PLCE1: variants seen among roughly 807,000 people sequenced by gnomAD.
PLCE1 encodes the protein phospholipase C epsilon 1.
PLCE1 carries 119 observed loss-of-function variants against 242.8 expected under a neutral mutation model. The ratio of observed to expected loss-of-function variants is 0.49; its 90% confidence interval spans 0.42 to 0.57. PLCE1 has a LOEUF of 0.57. Ranked by LOEUF, PLCE1 falls within the 20% of genes least tolerant of loss-of-function variation. PLCE1 has a pLI of 0.00. For synonymous variants in PLCE1, 945 were observed against 1,017.4 expected (o/e 0.93, Z 1.35); for missense variants, 2,441 against 2,788.8 (o/e 0.88, Z 2.81).
Position 94,171,281 on chromosome 10 carries a change from C to T in PLCE1, c.1594C>T (p.Pro532Ser), listed in dbSNP as rs556484452. The part of the protein sequence containing the change: ...LIDLQPLIQF[P>S]EEVASILMEQ... ...CGATCTGCAGCCTCTCATCCAGTTCCCAGAGGAAGTCGCCAGCATCCTGAT... is the reference window on the plus strand; with the variant it reads ...CGATCTGCAGCCTCTCATCCAGTTCTCAGAGGAAGTCGCCAGCATCCTGAT... Residue 532 changes from proline (P) to serine (S), a missense_variant, in exon 4 of 33, where the codon CCA becomes TCA. Physicochemically the swap from Pro to Ser is moderately conservative, Grantham distance 74 (BLOSUM62 -1). This residue lies in a region of PLCE1 where 733 missense variants were observed against 754.2 expected (regional missense o/e 0.97). Transcript: ENST00000371380. 3.1e-6 allele frequency: 5 copies of T among 1,614,148 alleles called. No individual in the cohort carries two copies. The East Asian group carries it at 8.9e-5, about 29-fold the overall frequency.
At chr10:94,314,002 A>G (rs550906411) in intron 28 of PLCE1, among the ~76,000 whole-genome samples, 10 of 152,058 alleles carry the variant, frequency 6.6e-5, no homozygotes, top group African/African-American at 2.4e-4. Context: ...GAGACCTGTT[A>G]CCCCAAGCCC....
chr10:94,171,192 G>A lies in PLCE1; in HGVS notation c.1505G>A (p.Gly502Asp), dbSNP rs927084372. 2 of 1,614,112 alleles carry A rather than the reference G, an allele frequency of 1.2e-6. No homozygotes were observed. Among genetic ancestry groups the A allele is most frequent in the Non-Finnish European group, 8.5e-7 (1 of 1,179,986 alleles). Residue 502 changes from glycine to aspartate, a missense_variant, in exon 4 of 33, where the codon GGC becomes GAC. This residue lies in a region of PLCE1 where 733 missense variants were observed against 754.2 expected (regional missense o/e 0.97). Coordinates refer to ENST00000371380, the MANE Select transcript of PLCE1 (RefSeq NM_016341.4). ...TGCTTTGTTTTAGAACGCCAGCCAG[G>A]CCCCTCTGTGGCCAATTCCAATGCC... ...GRMMLKERQP[G>D]PSVANSNALP...
At chr10:94,311,553 T>C (rs1280377926) in intron 27 of PLCE1, among the ~76,000 whole-genome samples, 1 of 152,256 alleles carries the variant, frequency 6.6e-6, no homozygotes, top group African/African-American at 2.4e-5. Context: ...TCTCCATTGC[T>C]GAAGCCAATA....
rs569972656 is a variant in PLCE1, at chr10:94,127,227, A to G, written c.1207-4947A>G. Among the ~76,000 whole-genome samples the G allele has an allele frequency of 2.6e-4, 39 of 152,340 alleles. No homozygotes were observed. In the South Asian group the frequency reaches 7.9e-3, roughly 31 times the overall value. ...TACCGACTTTTCACAACAATCATTT[A>G]TTTAGCCCATGATTCTGTGAATTAG... On this transcript the variant is annotated intron_variant, in intron 2 of 32. Coordinates refer to ENST00000371380, the MANE Select transcript of PLCE1 (RefSeq NM_016341.4).
Position 94,270,361 on chromosome 10 carries a change from A to G in PLCE1, c.4390-125A>G, listed in dbSNP as rs2051681628. On this transcript the variant is annotated intron_variant, in intron 17 of 32. Coordinates refer to ENST00000371380, the MANE Select transcript of PLCE1 (RefSeq NM_016341.4). The stretch of plus-strand genomic sequence containing the variant: ...CCTCATGCTTCATTTGAAAATACGA[A>G]AACCATCTTTGGCCAGAGTCTGCTG... 8 of 771,858 alleles carry G rather than the reference A, an allele frequency of 1.0e-5. No homozygotes were observed. In the Admixed American group the frequency reaches 1.4e-4, roughly 13 times the overall value. 47.8% of individuals were successfully genotyped at this position (771,858 alleles called of 1,614,324 possible).
rs114275595 is a variant in PLCE1 at position 94,312,695 on chromosome 10, C to T, written c.6004-559C>T. 7.1e-3 allele frequency among the ~76,000 whole-genome samples: 1,088 copies of T among 152,270 alleles called. 10 individuals are homozygous for T. The highest frequency in any genetic ancestry group is 0.025 in the African/African-American group (1,020 of 41,534). ...TGGCAGGGATAGTGTCCCATTTGCC[C>T]CTGATTTTCTAGGGACAGGCATAAT... On this transcript the variant is annotated intron_variant, in intron 27 of 32. Transcript: ENST00000371380.
intron 16 of PLCE1, among the ~76,000 whole-genome samples, chr10:94,267,741 A>G (rs1018857679): frequency 2.0e-5 from 3 of 152,144 alleles, no homozygotes; most frequent in Non-Finnish European, 4.4e-5. Context: ...TCCAGCCACC[A>G]TTTTACATAG....
chr10:94,113,812 A>T (rs2046031404), intron 2 of PLCE1, among the ~76,000 whole-genome samples: 1 of 152,108 alleles, frequency 6.6e-6, no homozygotes, highest in Admixed American at 6.5e-5. Context: ...CAATGTGTTC[A>T]ACTAGGGTAA....
At chr10:94,203,659 C>T (rs147053237) in intron 4 of PLCE1, among the ~76,000 whole-genome samples, 258 of 152,268 alleles carry the variant, frequency 1.7e-3, no homozygotes, top group Middle Eastern at 0.014. Context: ...AGATAGGTTG[C>T]TGGAGTTGAG....
At chr10:94,151,482 G>T (rs539242821) in intron 3 of PLCE1, among the ~76,000 whole-genome samples, 7 of 152,216 alleles carry the variant, frequency 4.6e-5, no homozygotes, top group African/African-American at 1.7e-4. Context: ...TAAAAAGAAC[G>T]TGAAAAGTTA....
intron 2 of PLCE1, among the ~76,000 whole-genome samples, chr10:94,044,625 T>G (rs1388823708): frequency 6.6e-6 from 1 of 152,224 alleles, no homozygotes; most frequent in Non-Finnish European, 1.5e-5. Flanking sequence ...GAATGCAGCT[T>G]TGGTTTGGAC....
chr10:94,173,432 T>C (rs1352385213), intron 4 of PLCE1, among the ~76,000 whole-genome samples: 1 of 152,238 alleles, frequency 6.6e-6, no homozygotes, highest in Non-Finnish European at 1.5e-5. Context: ...AAAATGAAAG[T>C]TCCAGTAAAC....
At chr10:94,238,457 G>A (rs2050394928) in intron 7 of PLCE1, among the ~76,000 whole-genome samples, 1 of 152,128 alleles carries the variant, frequency 6.6e-6, no homozygotes, top group African/African-American at 2.4e-5. Context: ...CAGTCACAGG[G>A]GAGGATCCTT....
chr10:94,277,058 C>T (rs764521034), intron 19 of PLCE1, among the ~76,000 whole-genome samples: 1 of 152,046 alleles, frequency 6.6e-6, no homozygotes, highest in South Asian at 2.1e-4. Flanking sequence ...CATAGAAGGC[C>T]GGAGTCATTT....
At chr10:94,180,296 G>A (rs568639476) in intron 4 of PLCE1, among the ~76,000 whole-genome samples, 2 of 152,216 alleles carry the variant, frequency 1.3e-5, no homozygotes, top group South Asian at 2.1e-4. Context: ...TAACCTATGT[G>A]CTGACTTCCT....
At chr10:94,296,326 A>C (rs994433862) in intron 23 of PLCE1, among the ~76,000 whole-genome samples, 4 of 150,204 alleles carry the variant, frequency 2.7e-5, no homozygotes, top group African/African-American at 7.4e-5. Context: ...AGATCGCACC[A>C]CTGCACTCCA....
intron 2 of PLCE1, chr10:94,089,229 G>A: frequency 6.2e-7 from 1 of 1,614,040 alleles, no homozygotes; most frequent in Non-Finnish European, 8.5e-7. Flanking sequence ...TAGGCAGAGA[G>A]CCCCAGGAGA....
chr10:94,160,257 TCTC>T (rs1239503081), intron 3 of PLCE1, among the ~76,000 whole-genome samples: 1 of 152,160 alleles, frequency 6.6e-6, no homozygotes, highest in African/African-American at 2.4e-5. Flanking sequence ...TGTTCCTATT[TCTC>T]CACATCCTCT....
intron 2 of PLCE1, among the ~76,000 whole-genome samples, chr10:94,125,157 C>A (rs2046402603): frequency 6.6e-6 from 1 of 152,076 alleles, no homozygotes; most frequent in Admixed American, 6.6e-5. Flanking sequence ...CTAGACACTG[C>A]AGATACAGCA....
Sources: gnomAD v4.1 joint callset for allele counts (sites outside exome capture counted in the v4.1 genomes callset) on GRCh38, gnomAD v4.1.1 for gene constraint, gnomAD v4.1.1 regional missense constraint, MANE v1.5 for transcripts, NCBI Gene and HGNC (gene_info 2026-07-23, HGNC 2026-07-21) for gene names.